Variants in ADAMTS18 observed in about 807,000 individuals in gnomAD.
ADAMTS18 encodes the protein ADAM metallopeptidase with thrombospondin type 1 motif 18.
ADAMTS18 carries 157 observed loss-of-function variants against 165.9 expected under a neutral mutation model. That is an observed-to-expected ratio of 0.95 (90% CI 0.83 to 1.08). The LOEUF (loss-of-function observed/expected upper bound fraction) is 1.08, where lower values mean the gene tolerates loss of function less well. ADAMTS18 is among the 50% of genes least tolerant of loss of function. The pLI, the probability that ADAMTS18 is intolerant of heterozygous loss-of-function variation, is 0.00. For missense variants in ADAMTS18, 2,040 were observed against 1,534.0 expected (o/e 1.33, Z -5.51); for synonymous variants, 782 against 578.2 (o/e 1.35, Z -5.06).
Position 77,343,142 on chromosome 16 carries a change from G to A in ADAMTS18, c.1615-1343C>T, listed in dbSNP as rs185815368. Among the ~76,000 whole-genome samples the A allele has an allele frequency of 8.0e-5, 12 of 149,338 alleles. No individual in the cohort carries two copies. In the East Asian group the frequency reaches 2.4e-3, roughly 30 times the overall value. On this transcript the variant is annotated intron_variant, in intron 10 of 22. Coordinates refer to ENST00000282849, the MANE Select transcript of ADAMTS18 (RefSeq NM_199355.4). ...GCCTGGAGTGCAATGGCACCATCTC[G>A]GCTCACTGCAACCCCCGCCTCCTGG... is the stretch of plus-strand genomic sequence containing the variant.
At chr16:77,422,354 T>C (rs2057614214) in intron 3 of ADAMTS18, among the ~76,000 whole-genome samples, 1 of 151,562 alleles carries the variant, frequency 6.6e-6, no homozygotes, top group Non-Finnish European at 1.5e-5. Flanking sequence ...AGTGTTGAAA[T>C]CTTCATCTCA....
chr16:77,364,505 C>T (rs2056764030), intron 4 of ADAMTS18, 124 bp from the exon 5 acceptor site: 6 of 1,052,254 alleles, frequency 5.7e-6, no homozygotes, highest in Non-Finnish European at 8.3e-6. Flanking sequence ...AATCCACTAA[C>T]AAGTGATGCT....
At chr16:77,338,055 C>T (rs1164642651) in intron 11 of ADAMTS18, among the ~76,000 whole-genome samples, 3 of 152,098 alleles carry the variant, frequency 2.0e-5, no homozygotes, top group Non-Finnish European at 4.4e-5. Flanking sequence ...AGGCGCCTGC[C>T]ACTACACCCA....
intron 10 of ADAMTS18, among the ~76,000 whole-genome samples, chr16:77,342,156 A>G (rs1217654777): frequency 1.3e-5 from 2 of 152,194 alleles, no homozygotes; most frequent in East Asian, 3.9e-4. Flanking sequence ...GTCGGATTCA[A>G]GTCTTCATCC....
intron 3 of ADAMTS18, among the ~76,000 whole-genome samples, chr16:77,419,131 A>G (rs1416707737): frequency 6.7e-6 from 1 of 149,708 alleles, no homozygotes; most frequent in East Asian, 1.9e-4. Context: ...CCTGGATGAC[A>G]GAGCTAGACT....
At chr16:77,287,343 T>C (rs184479612) in intron 22 of ADAMTS18, among the ~76,000 whole-genome samples, 3 of 152,236 alleles carry the variant, frequency 2.0e-5, no homozygotes, top group Non-Finnish European at 4.4e-5. Flanking sequence ...CATGTAATCA[T>C]CCCTATACTT....
rs766535448 is a variant in ADAMTS18, at chr16:77,291,221, G to T, written c.3402+45C>A. 36 of 1,603,848 alleles carry T rather than the reference G, an allele frequency of 2.2e-5. No individual in the cohort carries two copies. The Admixed American group carries it at 4.3e-4, about 19-fold the overall frequency. On this transcript the variant is annotated intron_variant, in intron 21 of 22. Transcript: ENST00000282849. Reference sequence around the variant, plus strand: ...CTGTTTGCAGAACGCCTCATTTTTCGACATCTCACTTGAATAGACACCTCC... The same window carrying T: ...CTGTTTGCAGAACGCCTCATTTTTCTACATCTCACTTGAATAGACACCTCC...
intron 3 of ADAMTS18, among the ~76,000 whole-genome samples, chr16:77,381,432 A>G (rs1469411341): frequency 6.6e-6 from 1 of 152,186 alleles, no homozygotes; most frequent in Non-Finnish European, 1.5e-5. Flanking sequence ...CCCTGCTTCA[A>G]AAGGACCAGA....
chr16:77,286,363 C>G (rs16945453), intron 22 of ADAMTS18, among the ~76,000 whole-genome samples: 1 of 152,070 alleles, frequency 6.6e-6, no homozygotes, highest in Non-Finnish European at 1.5e-5. Context: ...ATTTGTTGTC[C>G]GTTTCCATTT....
intron 12 of ADAMTS18, among the ~76,000 whole-genome samples, chr16:77,329,324 A>C (rs193187288): frequency 1.5e-3 from 227 of 152,148 alleles, no homozygotes; most frequent in Admixed American, 2.8e-3. Flanking sequence ...GCTGGTCTCA[A>C]ACTCCTGGCC....
At chr16:77,422,424 C>T (rs1008249418) in intron 3 of ADAMTS18, among the ~76,000 whole-genome samples, 2 of 151,200 alleles carry the variant, frequency 1.3e-5, no homozygotes, top group Admixed American at 6.6e-5. Context: ...AGAAAGACAA[C>T]AGTGGTGACA....
At chr16:77,326,764 G>T (rs1350972459) in intron 12 of ADAMTS18, among the ~76,000 whole-genome samples, 1 of 152,156 alleles carries the variant, frequency 6.6e-6, no homozygotes, top group Non-Finnish European at 1.5e-5. Context: ...GTAAAGTTTT[G>T]TTATACAGTT....
At chr16:77,377,992 C>G (rs918915013) in intron 3 of ADAMTS18, among the ~76,000 whole-genome samples, 4 of 152,046 alleles carry the variant, frequency 2.6e-5, no homozygotes, top group African/African-American at 9.7e-5. Flanking sequence ...CTGAGAAAGT[C>G]TTTGAGGAAA....
At chr16:77,296,018 G>A (rs868395361) in intron 18 of ADAMTS18, among the ~76,000 whole-genome samples, 9 of 150,492 alleles carry the variant, frequency 6.0e-5, no homozygotes, top group Admixed American at 1.3e-4. Context: ...GTGTGTGTGT[G>A]TATATATATA....
At chr16:77,290,565 A>G (rs1269988282) in intron 21 of ADAMTS18, 3 of 153,920 alleles carry the variant, frequency 1.9e-5, no homozygotes, top group Non-Finnish European at 2.9e-5. Context: ...GTACGTACAT[A>G]TTGATACCTC....
chr16:77,367,778 G>C lies in ADAMTS18; in HGVS notation c.496-55C>G, dbSNP rs1317738854. ...ATGATTCCATGCATCCCTGTGCCAA[G>C]GGTTGGTTTTCAACAACTGCTTCTG... On this transcript the variant is annotated intron_variant, in intron 3 of 22. Transcript: ENST00000282849. 1.1e-5 allele frequency: 17 copies of C among 1,612,326 alleles called. No homozygotes were observed. The East Asian group carries it at 3.6e-4, about 34-fold the overall frequency.
chr16:77,400,485 GTTTTTTT>G (rs71137813), intron 3 of ADAMTS18, among the ~76,000 whole-genome samples: 1 of 114,702 alleles, frequency 8.7e-6, no homozygotes, highest in African/African-American at 3.3e-5. Flanking sequence ...TGTGTGTTTT[GTTTTTTT>G]TTTTTTTGAG....
rs755665711 is a variant in ADAMTS18, at chr16:77,321,186, T to A, written c.2180A>T (p.His727Leu). 1 of 1,614,180 alleles carries A rather than the reference T, an allele frequency of 6.2e-7. No homozygotes were observed. Among genetic ancestry groups the A allele is most frequent in the Non-Finnish European group, 8.5e-7 (1 of 1,180,022 alleles). ...DGVCELVGCD[H>L]ELGSKAVSDA... Reference sequence around the variant, plus strand: ...TGAAACTGCTTTAGAGCCTAGTTCATGATCACATCCCACTAGCTGTGACAA... The same window carrying A: ...TGAAACTGCTTTAGAGCCTAGTTCAAGATCACATCCCACTAGCTGTGACAA... Residue 727 changes from histidine to leucine, a missense_variant, in exon 15 of 23, where the codon CAT becomes CTT. Transcript: ENST00000282849.
At chr16:77,299,165 T>C (rs1469471438) in intron 17 of ADAMTS18, among the ~76,000 whole-genome samples, 1 of 152,244 alleles carries the variant, frequency 6.6e-6, no homozygotes, top group East Asian at 1.9e-4. Context: ...ATGATTTCAG[T>C]ACAGAGGGAT....
Sources: allele counts gnomAD v4.1 joint callset (sites outside exome capture counted in the v4.1 genomes callset), GRCh38; gene constraint gnomAD v4.1.1; transcripts MANE v1.5; gene names NCBI Gene and HGNC (gene_info 2026-07-23, HGNC 2026-07-21).